CHD7: variants seen among roughly 807,000 people sequenced by gnomAD.
The protein encoded by CHD7 is ATP-dependent chromatin remodeler CHD7.
In CHD7, 24 loss-of-function variants were observed where a neutral mutation model predicts 307.3. The observed-to-expected ratio is 0.08, with a 90% CI of 0.06 to 0.11. CHD7 has a LOEUF of 0.11. Among genes scored for constraint, CHD7 ranks in the 10% least tolerant of loss-of-function variants. CHD7 has a pLI of 1.00. For missense variants in CHD7, 3,106 were observed against 3,727.1 expected (o/e 0.83, Z 4.34); for synonymous variants, 1,363 against 1,349.9 (o/e 1.01, Z -0.21).
chr8:60,864,909 C>T (rs958782841), intron 37 of CHD7, 107 bp from the exon 38 acceptor site: 27 of 1,073,294 alleles, frequency 2.5e-5, no homozygotes, highest in Middle Eastern at 4.1e-4. Context: ...GGAAGAACTA[C>T]TTAGGTATTT....
chr8:60,783,702 G>A (rs1230043022), intron 3 of CHD7, among the ~76,000 whole-genome samples: 1 of 152,172 alleles, frequency 6.6e-6, no homozygotes. Flanking sequence ...GAACACGTCT[G>A]ATGAGCCTGC....
chr8:60,817,891 C>T (rs1295607814), intron 8 of CHD7, among the ~76,000 whole-genome samples: 4 of 152,106 alleles, frequency 2.6e-5, no homozygotes, highest in African/African-American at 7.2e-5. Context: ...CAGGCAAAAG[C>T]GCAATGGTAG....
At chr8:60,785,033 A>G (rs1028935351) in intron 3 of CHD7, among the ~76,000 whole-genome samples, 2 of 152,204 alleles carry the variant, frequency 1.3e-5, no homozygotes, top group Admixed American at 1.3e-4. Flanking sequence ...GTTGGAGAGG[A>G]TACCGTTTTG....
chr8:60,858,735 G>A (rs1455324181), intron 34 of CHD7, among the ~76,000 whole-genome samples: 1 of 152,082 alleles, frequency 6.6e-6, no homozygotes, highest in Non-Finnish European at 1.5e-5. Flanking sequence ...AGCCTCCCTA[G>A]TAGATGGGAC....
chr8:60,842,469 C>T (rs1482201005), intron 21 of CHD7, among the ~76,000 whole-genome samples: 1 of 152,196 alleles, frequency 6.6e-6, no homozygotes, highest in Non-Finnish European at 1.5e-5. Context: ...TTAAATTCTT[C>T]CTTGCAACTC....
At chr8:60,745,865 C>A (rs1368250591) in intron 2 of CHD7, among the ~76,000 whole-genome samples, 1 of 152,120 alleles carries the variant, frequency 6.6e-6, no homozygotes, top group Non-Finnish European at 1.5e-5. Flanking sequence ...GCACCCAGCA[C>A]AAAGGGTGTT....
At chr8:60,750,806 T>G (rs1024070629) in intron 2 of CHD7, among the ~76,000 whole-genome samples, 2 of 152,228 alleles carry the variant, frequency 1.3e-5, no homozygotes, top group African/African-American at 2.4e-5. Flanking sequence ...TGCAAATTCT[T>G]TTTAAAAACA....
intron 2 of CHD7, among the ~76,000 whole-genome samples, chr8:60,773,164 C>T (rs1224970870): frequency 2.0e-5 from 3 of 152,232 alleles, no homozygotes; most frequent in Admixed American, 6.5e-5. Context: ...GGGGGTACCC[C>T]TCTGCTTGTG....
intron 1 of CHD7, among the ~76,000 whole-genome samples, chr8:60,703,851 T>G (rs1043056689): frequency 6.6e-6 from 1 of 152,234 alleles, no homozygotes; most frequent in Non-Finnish European, 1.5e-5. Context: ...CGAAGTCAGA[T>G]ATAACTTCAC....
At chr8:60,691,939 T>C (rs984018353) in intron 1 of CHD7, among the ~76,000 whole-genome samples, 1 of 152,212 alleles carries the variant, frequency 6.6e-6, no homozygotes, top group African/African-American at 2.4e-5. Context: ...TTGTTAAAAA[T>C]GCAGATTCCT....
chr8:60,724,400 AG>A (rs1371789440), intron 1 of CHD7, among the ~76,000 whole-genome samples: 1 of 152,274 alleles, frequency 6.6e-6, no homozygotes. Flanking sequence ...AGGTTGGTGC[AG>A]GATAGCAGGG....
In CHD7 at chr8:60,748,970, ATT is replaced by A. The variant is rs1216748648; in HGVS notation, c.1665+5889_1665+5890del. ...AAAACCTGGAAGAATCAGTGGTACA[ATT>A]TTTTTTTTTTTTTTTAAAAAAATAG... On this transcript the variant is annotated intron_variant, in intron 2 of 37. Coordinates refer to ENST00000423902, the MANE Select transcript of CHD7 (RefSeq NM_017780.4). Among the ~76,000 whole-genome samples the A allele has an allele frequency of 2.5e-3, 341 of 137,246 alleles. 3 individuals are homozygous for A. The South Asian group carries it at 0.033, about 13-fold the overall frequency. The allele number at this position is 137,246 out of a possible 152,430, so 90.0% of individuals were successfully genotyped here.
In CHD7 at chr8:60,856,836, T is replaced by C. The variant is rs1314947943; in HGVS notation, c.7556T>C (p.Val2519Ala). 6.3e-7 allele frequency: 1 copy of C among 1,591,052 alleles called. No individual in the cohort carries two copies. Among genetic ancestry groups the C allele is most frequent in the Non-Finnish European group, 8.6e-7 (1 of 1,168,684 alleles). ...MKRRRGRRKN[V>A]EGLDLLFMSH... ...AGGAGGCGGGGAAGGAGGAAAAATG[T>C]GGAGGGACTTGATCTGCTTTTCATG... The change falls in exon 34 of 38, where the codon GTG (valine) becomes GCG (alanine). Residue 2519 changes from valine to alanine, a missense_variant. Physicochemically the swap from Val to Ala is moderately conservative, Grantham distance 64 (BLOSUM62 0). Transcript: ENST00000423902.
chr8:60,733,653 C>T (rs1476502569), intron 1 of CHD7, among the ~76,000 whole-genome samples: 1 of 152,156 alleles, frequency 6.6e-6, no homozygotes, highest in African/African-American at 2.4e-5. Flanking sequence ...CTCCTTTTGA[C>T]CACTTTGGAA....
intron 3 of CHD7, among the ~76,000 whole-genome samples, chr8:60,783,293 A>AC (rs1052244226): frequency 1.2e-4 from 18 of 152,254 alleles, no homozygotes; most frequent in African/African-American, 4.3e-4. Flanking sequence ...GCTGTATTTA[A>AC]CAATGAAATT....
Position 60,865,291 on chromosome 8 carries a change from C to T in CHD7, c.8352C>T (p.Thr2784=), listed in dbSNP as rs774358319. Residue 2784 remains threonine (T), a synonymous_variant, in exon 38 of 38, where the codon ACC becomes ACT. Coordinates refer to ENST00000423902, the MANE Select transcript of CHD7 (RefSeq NM_017780.4). This position sits in a 1 kb window ranked among gnomAD's most constrained non-coding sequence, Gnocchi z 4.3. ...CTCCAGGACTGGCAACAGCTGCCAC[C>T]GCCGGAGGCGATGCGAAGAACCCTG... ...GFPPGLATAA[T]AGGDAKNPAA... is the part of the protein sequence containing the mutation. The T allele has an allele frequency of 2.5e-5, 40 of 1,609,220 alleles. No homozygotes were observed. The East Asian group carries it at 7.6e-4, about 31-fold the overall frequency.
chr8:60,841,527 T>C, intron 19 of CHD7, 117 bp from the exon 20 acceptor site: 2 of 763,460 alleles, frequency 2.6e-6, no homozygotes. Flanking sequence ...TCTACTGTAG[T>C]GTCTGGCATA....
intron 1 of CHD7, among the ~76,000 whole-genome samples, chr8:60,708,576 C>T (rs1563532482): frequency 6.6e-6 from 1 of 152,182 alleles, no homozygotes; most frequent in African/African-American, 2.4e-5. Context: ...GCCTACATTT[C>T]TAACTGTAGG....
chr8:60,745,951 A>G (rs1809303237), intron 2 of CHD7, among the ~76,000 whole-genome samples: 1 of 152,316 alleles, frequency 6.6e-6, no homozygotes, highest in East Asian at 1.9e-4. Context: ...ATTCTCCTCT[A>G]ATTTTAGCTT....
Sources: gnomAD v4.1 joint callset for allele counts (sites outside exome capture counted in the v4.1 genomes callset) on GRCh38, gnomAD v4.1.1 for gene constraint, Gnocchi (gnomAD v3.1) non-coding constraint, MANE v1.5 for transcripts, NCBI Gene and HGNC (gene_info 2026-07-23, HGNC 2026-07-21) for gene names.